The following ZNF438 variants were observed in gnomAD, a reference collection of about 807,000 sequenced individuals.
The protein encoded by ZNF438 is zinc finger protein 438.
ZNF438 carries 25 observed loss-of-function variants against 38.0 expected under a neutral mutation model. The ratio of observed to expected loss-of-function variants is 0.66; its 90% CI spans 0.48 to 0.92. The LOEUF (loss-of-function observed/expected upper bound fraction) is 0.92, where lower values mean the gene tolerates loss of function less well. Ranked by LOEUF, ZNF438 falls within the 40% of genes least tolerant of loss-of-function variation. The probability of loss-of-function intolerance (pLI) is 0.00; values close to 1 mark genes in which losing one functional copy is unlikely to be tolerated. For synonymous variants in ZNF438, 372 were observed against 364.1 expected (o/e 1.02, Z -0.25); for missense variants, 1,007 against 999.6 (o/e 1.01, Z -0.10).
At chr10:30,854,327 T>C (rs2034235106) in intron 4 of ZNF438, among the ~76,000 whole-genome samples, 1 of 152,014 alleles carries the variant, frequency 6.6e-6, no homozygotes, top group South Asian at 2.1e-4. Flanking sequence ...AAATAAAAAT[T>C]AATAGATAAA....
rs1470814416 is a variant in ZNF438 at position 30,847,147 on chromosome 10, G to A, written c.1874+1384C>T. Among the ~76,000 whole-genome samples the A allele has an allele frequency of 3.9e-5, 6 of 152,336 alleles. No homozygotes were observed. In the East Asian group the frequency reaches 1.2e-3, roughly 29 times the overall value. On this transcript the variant is annotated intron_variant, in intron 5 of 5. Transcript: ENST00000413025. ...GGGCAGAAAAGGGGAGGTCCCCGGT[G>A]AAGCCCCACCTTCAAGCCAGAGAAG...
chr10:30,877,112 G>A, intron 3 of ZNF438, 47 bp from the exon 5 acceptor site: 3 of 1,024,874 alleles, frequency 2.9e-6, no homozygotes, highest in Non-Finnish European at 4.2e-6. Flanking sequence ...AATTGAGAGA[G>A]CATGTTAATG....
intron 4 of ZNF438, among the ~76,000 whole-genome samples, chr10:30,866,341 A>G (rs2036424730): frequency 2.0e-5 from 3 of 152,216 alleles, no homozygotes; most frequent in African/African-American, 7.2e-5. Context: ...ATGTTGAATG[A>G]ACATATTAAG....
exon 5 of ZNF438, chr10:30,849,584 G>A: frequency 6.2e-7 from 1 of 1,614,212 alleles, no homozygotes. Context: ...AAGAATGGTT[G>A]GTGATAAATT....
At chr10:30,848,535 C>T (rs1564470869) in exon 5 of ZNF438, 1 of 1,610,448 alleles carries the variant, frequency 6.2e-7, no homozygotes. Flanking sequence ...ACTCACCTCT[C>T]CAATGATCCC....
At chr10:30,894,529 C>A (rs1487233238) in intron 3 of ZNF438, among the ~76,000 whole-genome samples, 1 of 151,930 alleles carries the variant, frequency 6.6e-6, no homozygotes, top group Non-Finnish European at 1.5e-5. Flanking sequence ...TGGAGGACAG[C>A]GATCAGGGCT....
intron 1 of ZNF438, among the ~76,000 whole-genome samples, chr10:30,985,777 G>C (rs563362856): frequency 1.3e-5 from 2 of 152,246 alleles, no homozygotes; most frequent in African/African-American, 2.4e-5. Context: ...GGAAATTCAG[G>C]GTTGGGTTCC....
At chr10:30,896,253 G>A (rs997671247) in intron 3 of ZNF438, among the ~76,000 whole-genome samples, 3 of 143,286 alleles carry the variant, frequency 2.1e-5, no homozygotes, top group Non-Finnish European at 4.5e-5. Context: ...CCGAGACCGC[G>A]CCACGGCACT....
intron 3 of ZNF438, among the ~76,000 whole-genome samples, chr10:30,892,177 T>C (rs1049824306): frequency 2.0e-5 from 3 of 152,154 alleles, no homozygotes; most frequent in Non-Finnish European, 4.4e-5. Context: ...TTGCTGGGGA[T>C]ACATTCCAAG....
At chr10:31,024,861 T>C (rs1302252711) in intron 1 of ZNF438, among the ~76,000 whole-genome samples, 1 of 152,180 alleles carries the variant, frequency 6.6e-6, no homozygotes, top group Non-Finnish European at 1.5e-5. Context: ...TAATTTAACA[T>C]ATACAACAAT....
intron 1 of ZNF438, among the ~76,000 whole-genome samples, chr10:30,945,005 T>C (rs1488212372): frequency 6.6e-6 from 1 of 152,024 alleles, no homozygotes; most frequent in Non-Finnish European, 1.5e-5. Flanking sequence ...TTTGGTTTTG[T>C]GGTTTTGTTG....
chr10:30,874,935 T>C (rs17229684), intron 4 of ZNF438, among the ~76,000 whole-genome samples: 11,292 of 152,160 alleles, frequency 0.074, 549 homozygotes, highest in Non-Finnish European at 0.11. Context: ...AAGTACCTAA[T>C]CTTGAAGTTG....
intron 1 of ZNF438, among the ~76,000 whole-genome samples, chr10:31,020,369 A>C (rs1589749466): frequency 6.6e-6 from 1 of 152,344 alleles, no homozygotes; most frequent in African/African-American, 2.4e-5. Context: ...AAAAAGGACG[A>C]ATCAGGAGAG....
intron 4 of ZNF438, among the ~76,000 whole-genome samples, chr10:30,872,425 CAAAAAAAAAAA>C (rs566401687): frequency 5.6e-4 from 33 of 58,658 alleles, no homozygotes; most frequent in Admixed American, 6.9e-4. Context: ...GACTCTGTCT[CAAAAAAAAAAA>C]AAAAAAAAAA....
chr10:30,934,267 T>C (rs903988637), intron 2 of ZNF438, among the ~76,000 whole-genome samples: 1 of 151,958 alleles, frequency 6.6e-6, no homozygotes, highest in African/African-American at 2.4e-5. Flanking sequence ...CAAGCCCAAA[T>C]GGGTGCACTC....
intron 1 of ZNF438, among the ~76,000 whole-genome samples, chr10:30,979,929 C>T (rs1247963822): frequency 6.6e-6 from 1 of 152,202 alleles, no homozygotes; most frequent in East Asian, 1.9e-4. Context: ...TTTATTGTGA[C>T]TCTACTGATA....
chr10:30,894,036 A>G (rs1289673233), intron 3 of ZNF438, among the ~76,000 whole-genome samples: 5 of 152,216 alleles, frequency 3.3e-5, no homozygotes, highest in Non-Finnish European at 2.9e-5. Context: ...ACATCAGAGG[A>G]CTAGAACAAA....
At chr10:30,953,421 TAAAA>T (rs1003447608) in intron 1 of ZNF438, among the ~76,000 whole-genome samples, 2 of 143,932 alleles carry the variant, frequency 1.4e-5, no homozygotes, top group Non-Finnish European at 3.1e-5. Flanking sequence ...TTTAAAAAAT[TAAAA>T]AAAAAAGTAA....
intron 2 of ZNF438, among the ~76,000 whole-genome samples, chr10:30,930,671 G>C (rs949285084): frequency 1.1e-4 from 17 of 151,622 alleles, no homozygotes; most frequent in African/African-American, 3.6e-4. Flanking sequence ...GCCGGCCATG[G>C]TGGTGAGTGC....
Sources: gnomAD v4.1 joint callset for allele counts (sites outside exome capture counted in the v4.1 genomes callset) on GRCh38, gnomAD v4.1.1 for gene constraint, MANE v1.5 for transcripts, NCBI Gene and HGNC (gene_info 2026-07-23, HGNC 2026-07-21) for gene names.